The following CDH12 variants were observed in gnomAD, a reference collection of about 807,000 sequenced individuals.
CDH12 encodes cadherin 12.
A neutral mutation model predicts 74.1 loss-of-function variants in CDH12; 41 were observed. The observed-to-expected ratio is 0.55, with a 90% CI of 0.43 to 0.72. The LOEUF (loss-of-function observed/expected upper bound fraction) is 0.72, where lower values mean the gene tolerates loss of function less well. Ranked by LOEUF, CDH12 falls within the 30% of genes least tolerant of loss-of-function variation. The pLI, the probability that CDH12 is intolerant of heterozygous loss-of-function variation, is 0.00. For synonymous variants in CDH12, 399 were observed against 355.0 expected (o/e 1.12, Z -1.39); for missense variants, 945 against 977.2 (o/e 0.97, Z 0.44).
At chr5:22,232,872 TA>T (rs1372188832) in intron 3 of CDH12, among the ~76,000 whole-genome samples, 15 of 145,084 alleles carry the variant, frequency 1.0e-4, no homozygotes, top group East Asian at 5.9e-4. Context: ...TTTATATATA[TA>T]TTTTTTCTTT....
At chr5:21,778,534 T>TG (rs1745731815) in intron 11 of CDH12, among the ~76,000 whole-genome samples, 2 of 151,124 alleles carry the variant, frequency 1.3e-5, no homozygotes, top group African/African-American at 4.8e-5. Flanking sequence ...TTTTTTTTTT[T>TG]TTGTTTAAAT....
At chr5:22,047,632 A>T (rs1740052493) in intron 5 of CDH12, among the ~76,000 whole-genome samples, 1 of 152,086 alleles carries the variant, frequency 6.6e-6, no homozygotes, top group Non-Finnish European at 1.5e-5. Context: ...TTCCTAACAC[A>T]TGAAGGTGCT....
At chr5:22,510,335 T>C (rs1736549378) in intron 1 of CDH12, among the ~76,000 whole-genome samples, 1 of 152,002 alleles carries the variant, frequency 6.6e-6, no homozygotes, top group African/African-American at 2.4e-5. Flanking sequence ...GTTGGAAACA[T>C]AAAATTACCC....
intron 6 of CDH12, chr5:21,884,144 T>C (rs1387506770): frequency 6.5e-6 from 10 of 1,534,284 alleles, no homozygotes; most frequent in South Asian, 4.5e-5. Flanking sequence ...AAAAAGGAAT[T>C]ATTGACCCAA....
intron 1 of CDH12, among the ~76,000 whole-genome samples, chr5:22,540,126 T>C (rs1167537787): frequency 1.3e-5 from 2 of 152,138 alleles, no homozygotes; most frequent in Non-Finnish European, 1.5e-5. Context: ...TATCTTTTTT[T>C]AGCACAGAGC....
At chr5:22,496,041 G>GCA in intron 2 of CDH12, among the ~76,000 whole-genome samples, 1 of 152,144 alleles carries the variant, frequency 6.6e-6, no homozygotes. Flanking sequence ...CCTATTAGAT[G>GCA]CACACGATTC....
rs1427388877 is a variant in CDH12, at chr5:22,097,832, A to AT, written c.-186-18971dup. 2.6e-5 allele frequency among the ~76,000 whole-genome samples: 4 copies of AT among 152,082 alleles called. No homozygotes were observed. The East Asian group carries it at 7.8e-4, about 30-fold the overall frequency. On this transcript the variant is annotated intron_variant, in intron 4 of 14. Transcript: ENST00000382254. The stretch of plus-strand genomic sequence containing the variant: ...TTACCCTGCTCAATGCCAACATCCC[A>AT]TCCCACAGCACGCTTTGAGAAGATT...
intron 3 of CDH12, among the ~76,000 whole-genome samples, chr5:22,358,131 G>A (rs546222401): frequency 1.1e-3 from 168 of 152,166 alleles, no homozygotes; most frequent in Non-Finnish European, 1.9e-3. Flanking sequence ...ATGGCAGGTC[G>A]GCCGTGGTGG....
chr5:22,387,729 T>C (rs2126407020), intron 3 of CDH12, among the ~76,000 whole-genome samples: 2 of 152,230 alleles, frequency 1.3e-5, no homozygotes, highest in East Asian at 3.9e-4. Context: ...GATAGGAGAA[T>C]TGAGAGTTCT....
chr5:22,248,235 G>GT (rs747357679), intron 3 of CDH12, among the ~76,000 whole-genome samples: 1 of 152,124 alleles, frequency 6.6e-6, no homozygotes, highest in Non-Finnish European at 1.5e-5. Flanking sequence ...GGAGGCGGAG[G>GT]TTGCAGTGAG....
In CDH12 at chr5:21,823,883, T is replaced by C. The variant is rs545881535; in HGVS notation, c.815-6751A>G. 2.1e-4 allele frequency among the ~76,000 whole-genome samples: 32 copies of C among 152,280 alleles called. No individual in the cohort carries two copies. In the South Asian group the frequency reaches 6.6e-3, roughly 32 times the overall value. Reference sequence around the variant, plus strand: ...TGTAAGATATGATACAAACTTTTTTTTTTATTTGTCTCTCACTCTTCCTTT... The same window carrying C: ...TGTAAGATATGATACAAACTTTTTTCTTTATTTGTCTCTCACTCTTCCTTT... On this transcript the variant is annotated intron_variant, in intron 8 of 14. Transcript: ENST00000382254.
chr5:22,430,559 T>C (rs1744126968), intron 2 of CDH12, among the ~76,000 whole-genome samples: 1 of 152,136 alleles, frequency 6.6e-6, no homozygotes, highest in South Asian at 2.1e-4. Flanking sequence ...ATTCTTTTTT[T>C]CCTCCCTGAG....
intron 1 of CDH12, among the ~76,000 whole-genome samples, chr5:22,569,847 G>C (rs1357778766): frequency 6.6e-6 from 1 of 151,892 alleles, no homozygotes. Flanking sequence ...CATCGAGAAG[G>C]GTTGGAATCA....
intron 1 of CDH12, among the ~76,000 whole-genome samples, chr5:22,820,004 C>T (rs960611961): frequency 1.4e-5 from 2 of 145,008 alleles, no homozygotes; most frequent in Admixed American, 7.0e-5. Context: ...CATATATATA[C>T]ATATACATAT....
At chr5:22,607,016 T>A (rs1737151620) in intron 1 of CDH12, among the ~76,000 whole-genome samples, 1 of 152,216 alleles carries the variant, frequency 6.6e-6, no homozygotes, top group South Asian at 2.1e-4. Flanking sequence ...GGCTAGTGGC[T>A]TTTTGCCCCT....
intron 1 of CDH12, among the ~76,000 whole-genome samples, chr5:22,751,842 A>G (rs1745592200): frequency 6.6e-6 from 1 of 152,218 alleles, no homozygotes; most frequent in Non-Finnish European, 1.5e-5. Flanking sequence ...TGTGTGAGAT[A>G]ATAAAGTGTC....
intron 3 of CDH12, among the ~76,000 whole-genome samples, chr5:22,292,649 C>T (rs538477164): frequency 1.1e-4 from 16 of 151,882 alleles, no homozygotes; most frequent in South Asian, 6.2e-4. Flanking sequence ...CACACAAACA[C>T]AAATGACCAA....
chr5:21,823,742 G>A (rs1247348299), intron 8 of CDH12, among the ~76,000 whole-genome samples: 2 of 151,878 alleles, frequency 1.3e-5, no homozygotes, highest in African/African-American at 4.8e-5. Flanking sequence ...TGGTGACCTT[G>A]CCTTGTAGTT....
chr5:22,788,624 C>T (rs1039302163), intron 1 of CDH12, among the ~76,000 whole-genome samples: 1 of 146,648 alleles, frequency 6.8e-6, no homozygotes, highest in African/African-American at 2.5e-5. Flanking sequence ...TTAATAAATA[C>T]AATATGTAAC....
Sources: allele counts gnomAD v4.1 joint callset (sites outside exome capture counted in the v4.1 genomes callset), GRCh38; gene constraint gnomAD v4.1.1; transcripts MANE v1.5; gene names NCBI Gene and HGNC (gene_info 2026-07-23, HGNC 2026-07-21).